TNRC6B: variants seen among roughly 807,000 people sequenced by gnomAD.
TNRC6B encodes the protein trinucleotide repeat-containing gene 6B protein.
Under a neutral mutation model 203.6 loss-of-function variants are expected in TNRC6B, and 52 were observed. The observed-to-expected ratio is 0.26, with a 90% CI of 0.20 to 0.32. The LOEUF is 0.32. Ranked by LOEUF, TNRC6B falls within the 10% of genes least tolerant of loss-of-function variation. TNRC6B has a pLI of 1.00. For synonymous variants in TNRC6B, 838 were observed against 845.7 expected (o/e 0.99, Z 0.16); for missense variants, 1,923 against 2,286.2 (o/e 0.84, Z 3.24).
chr22:40,200,625 A>T (rs1197061693), intron 1 of TNRC6B, among the ~76,000 whole-genome samples: 1 of 152,028 alleles, frequency 6.6e-6, no homozygotes, highest in Non-Finnish European at 1.5e-5. Context: ...AAATCATGAG[A>T]AGTACATAAA....
intron 1 of TNRC6B, among the ~76,000 whole-genome samples, chr22:40,081,710 G>A (rs73422385): frequency 0.044 from 6,706 of 152,264 alleles, 446 homozygotes; most frequent in African/African-American, 0.14. Flanking sequence ...AAATGAGACA[G>A]TATCTCTGAA....
intron 3 of TNRC6B, among the ~76,000 whole-genome samples, chr22:40,134,531 A>C (rs1040825995): frequency 8.5e-5 from 13 of 152,208 alleles, no homozygotes; most frequent in African/African-American, 2.9e-4. Flanking sequence ...AAAACTAAGC[A>C]AATTTAATAA....
chr22:40,256,637 T>C (rs1444392025), intron 3 of TNRC6B, among the ~76,000 whole-genome samples: 3 of 152,208 alleles, frequency 2.0e-5, no homozygotes, highest in Non-Finnish European at 4.4e-5. Context: ...TCTATGGTGC[T>C]TTGGCCCCAC....
At chr22:40,225,284 G>A (rs138039) in intron 1 of TNRC6B, among the ~76,000 whole-genome samples, 48,744 of 152,012 alleles carry the variant, frequency 0.32, 9,577 homozygotes, top group East Asian at 0.57. Context: ...AGGTGTTGGA[G>A]GGGTCCGGAG....
chr22:40,126,653 C>T (rs929837593), intron 3 of TNRC6B, among the ~76,000 whole-genome samples: 4 of 126,060 alleles, frequency 3.2e-5, no homozygotes, highest in South Asian at 2.7e-4. Context: ...TGCAGTCATA[C>T]GATCTTGACT....
At chr22:40,097,669 TACACACACACACACACAC>T (rs6147625) in intron 1 of TNRC6B, among the ~76,000 whole-genome samples, 105 of 135,618 alleles carry the variant, frequency 7.7e-4, no homozygotes, top group South Asian at 9.7e-4. Context: ...AGGTATATCA[TACACACACACACACACAC>T]ACACACACAC....
At chr22:40,095,428 A>G in intron 1 of TNRC6B, among the ~76,000 whole-genome samples, 1 of 152,086 alleles carries the variant, frequency 6.6e-6, no homozygotes, top group East Asian at 1.9e-4. Context: ...CTAATGATTG[A>G]CCAGAGCTGT....
chr22:40,311,677 G>A (rs535638115), intron 17 of TNRC6B, among the ~76,000 whole-genome samples: 379 of 152,208 alleles, frequency 2.5e-3, no homozygotes, highest in Non-Finnish European at 4.2e-3. Flanking sequence ...AAGTACCTGG[G>A]ATTACAGGCG....
At chr22:40,264,337 T>G (rs2070438212) in intron 4 of TNRC6B, among the ~76,000 whole-genome samples, 1 of 152,100 alleles carries the variant, frequency 6.6e-6, no homozygotes, top group African/African-American at 2.4e-5. Context: ...AAAGTGTGCT[T>G]TAGAAAGATT....
At chr22:40,163,526 G>C (rs1431581071) in intron 4 of TNRC6B, among the ~76,000 whole-genome samples, 1 of 144,900 alleles carries the variant, frequency 6.9e-6, no homozygotes, top group Non-Finnish European at 1.5e-5. Context: ...ACTTTGGGAG[G>C]CCGAGGCGGG....
At chr22:40,078,205 AAAG>A (rs2146286758) in intron 1 of TNRC6B, among the ~76,000 whole-genome samples, 1 of 152,338 alleles carries the variant, frequency 6.6e-6, no homozygotes, top group African/African-American at 2.4e-5. Flanking sequence ...ACTTTTCATT[AAAG>A]GAGTTTTTCA....
chr22:40,072,471 A>T (rs981915458), intron 1 of TNRC6B, among the ~76,000 whole-genome samples: 6 of 152,212 alleles, frequency 3.9e-5, no homozygotes, highest in African/African-American at 1.4e-4. Flanking sequence ...TTAAACATGA[A>T]TGTCCTTTTT....
intron 1 of TNRC6B, among the ~76,000 whole-genome samples, chr22:40,197,696 T>G (rs1414242128): frequency 1.3e-5 from 2 of 151,482 alleles, no homozygotes. Flanking sequence ...CTCGACCTTC[T>G]GGGCTCAAGC....
intron 1 of TNRC6B, among the ~76,000 whole-genome samples, chr22:40,059,820 T>G (rs1339179912): frequency 6.8e-6 from 1 of 147,806 alleles, no homozygotes; most frequent in Non-Finnish European, 1.5e-5. Flanking sequence ...GTTTGGTTTT[T>G]TTTTTTTTTT....
chr22:40,238,047 A>G (rs896591570), intron 1 of TNRC6B, among the ~76,000 whole-genome samples: 4 of 152,006 alleles, frequency 2.6e-5, no homozygotes, highest in Non-Finnish European at 4.4e-5. Context: ...CTGTTCTTTA[A>G]ACGCATCTCC....
At chr22:40,222,094 T>C (rs1489049247) in intron 1 of TNRC6B, among the ~76,000 whole-genome samples, 1 of 152,264 alleles carries the variant, frequency 6.6e-6, no homozygotes, top group South Asian at 2.1e-4. Context: ...GACCCATCTC[T>C]GTTGGGCAGT....
chr22:40,304,344 A>G (rs1569062333), intron 15 of TNRC6B, among the ~76,000 whole-genome samples: 1 of 152,194 alleles, frequency 6.6e-6, no homozygotes, highest in East Asian at 1.9e-4. Context: ...ATTGAGGTTG[A>G]GTGCGTGGCT....
At chr22:40,185,019 G>A (rs541726927) in intron 1 of TNRC6B, among the ~76,000 whole-genome samples, 7 of 152,048 alleles carry the variant, frequency 4.6e-5, no homozygotes, top group Non-Finnish European at 7.4e-5. Flanking sequence ...TTTTTGAGAC[G>A]GAGTCTTGCT....
chr22:40,065,885 G>A (rs1293887516), intron 1 of TNRC6B, among the ~76,000 whole-genome samples: 3 of 152,098 alleles, frequency 2.0e-5, no homozygotes, highest in Non-Finnish European at 2.9e-5. Flanking sequence ...CCCCGTGTGA[G>A]TTCCAAAGAT....
Sources: gnomAD v4.1 joint callset for allele counts (sites outside exome capture counted in the v4.1 genomes callset) on GRCh38, gnomAD v4.1.1 for gene constraint, MANE v1.5 for transcripts, NCBI Gene and HGNC (gene_info 2026-07-23, HGNC 2026-07-21) for gene names.